The following CHD7 variants were observed in gnomAD, a reference collection of about 807,000 sequenced individuals.
CHD7 encodes the protein ATP-dependent chromatin remodeler CHD7.
A neutral mutation model predicts 307.3 loss-of-function variants in CHD7; 24 were observed. The observed-to-expected ratio is 0.08, with a 90% CI of 0.06 to 0.11. CHD7 has a LOEUF of 0.11. Among genes scored for constraint, CHD7 ranks in the 10% least tolerant of loss-of-function variants. The pLI is 1.00. For missense variants in CHD7, 3,106 were observed against 3,727.1 expected, an observed-to-expected ratio of 0.83 and a Z score of 4.34; for synonymous variants, 1,363 against 1,349.9, an observed-to-expected ratio of 1.01 and a Z score of -0.21.
chr8:60,741,741 G>T lies in CHD7; in HGVS notation c.309G>T (p.Ser103=). Residue 103 remains serine (S), a synonymous_variant, in exon 2 of 38, where the codon TCG becomes TCT. Coordinates refer to ENST00000423902, the MANE Select transcript of CHD7 (RefSeq NM_017780.4). Reference sequence around the variant, plus strand: ...GGAACGGACTCGCGTCTCCGCACTCGCAGTATCACACCCCTCCCGTTCCTC... The same window carrying T: ...GGAACGGACTCGCGTCTCCGCACTCTCAGTATCACACCCCTCCCGTTCCTC... The part of the protein sequence containing the change: ...TPGNGLASPH[S]QYHTPPVPQV... 2 of 1,613,900 alleles carry T rather than the reference G, an allele frequency of 1.2e-6. No individual in the cohort carries two copies. Among genetic ancestry groups the T allele is most frequent in the Non-Finnish European group, 1.7e-6 (2 of 1,179,852 alleles).
chr8:60,858,670 C>G (rs944562150), intron 34 of CHD7, among the ~76,000 whole-genome samples: 4 of 152,230 alleles, frequency 2.6e-5, no homozygotes, highest in Non-Finnish European at 2.9e-5. Flanking sequence ...CACAATGGCG[C>G]AGTCTCGGCT....
At chr8:60,835,656 T>G (rs1804708868) in intron 15 of CHD7, among the ~76,000 whole-genome samples, 1 of 152,220 alleles carries the variant, frequency 6.6e-6, no homozygotes, top group African/African-American at 2.4e-5. Context: ...GTTTTTTCAT[T>G]TCGGAACAGA....
chr8:60,693,748 G>C (rs1806318281), intron 1 of CHD7, among the ~76,000 whole-genome samples: 1 of 152,220 alleles, frequency 6.6e-6, no homozygotes, highest in African/African-American at 2.4e-5. Flanking sequence ...GGACACCGTG[G>C]GTTAGCCTAG....
intron 1 of CHD7, among the ~76,000 whole-genome samples, chr8:60,708,094 T>G (rs1405217276): frequency 6.6e-6 from 1 of 152,196 alleles, no homozygotes; most frequent in Non-Finnish European, 1.5e-5. Context: ...GCAGCCAAGT[T>G]TTGTATTTAG....
At chr8:60,843,796 G>T (rs1430479890) in intron 21 of CHD7, among the ~76,000 whole-genome samples, 1 of 152,226 alleles carries the variant, frequency 6.6e-6, no homozygotes, top group Non-Finnish European at 1.5e-5. Flanking sequence ...GGGTAAGAGG[G>T]AGTGCTGGGG....
intron 2 of CHD7, among the ~76,000 whole-genome samples, chr8:60,766,667 T>C (rs1416922124): frequency 6.6e-6 from 1 of 152,326 alleles, no homozygotes; most frequent in East Asian, 1.9e-4. Flanking sequence ...GTGATTCAAA[T>C]GTAAGACTAA....
intron 1 of CHD7, among the ~76,000 whole-genome samples, chr8:60,679,339 CT>C (rs1805444083): frequency 6.9e-6 from 1 of 144,466 alleles, no homozygotes; most frequent in Non-Finnish European, 1.5e-5. Flanking sequence ...GGCGCCCCAA[CT>C]TTTGCCTGCG....
chr8:60,792,317 G>C (rs896776926), intron 3 of CHD7, among the ~76,000 whole-genome samples: 1 of 152,220 alleles, frequency 6.6e-6, no homozygotes, highest in Non-Finnish European at 1.5e-5. Context: ...TTGCAGAATA[G>C]TAGCAAAGGC....
At position 60,694,810 on chromosome 8, in the gene CHD7, G is replaced by A. The variant is rs576779124; in HGVS notation, c.-175+15728G>A. ...TAGCCTGCCCTGAGGGAGAGGGGCAGCAGGTTGGATAGATAGGGAGAGGTT... is the reference window on the plus strand; with the variant it reads ...TAGCCTGCCCTGAGGGAGAGGGGCAACAGGTTGGATAGATAGGGAGAGGTT... On this transcript the variant is annotated intron_variant, in intron 1 of 37. Transcript: ENST00000423902. Among the ~76,000 whole-genome samples, 41 of 152,354 alleles carry A rather than the reference G, an allele frequency of 2.7e-4. 1 individual carries two copies. In the South Asian group the frequency reaches 8.1e-3, roughly 30 times the overall value.
chr8:60,721,426 T>TC (rs1300869071), intron 1 of CHD7, among the ~76,000 whole-genome samples: 1 of 152,176 alleles, frequency 6.6e-6, no homozygotes, highest in Non-Finnish European at 1.5e-5. Flanking sequence ...GTCTTGGACT[T>TC]CCAGTCTCCA....
At chr8:60,771,008 A>G (rs1309049560) in intron 2 of CHD7, among the ~76,000 whole-genome samples, 1 of 152,182 alleles carries the variant, frequency 6.6e-6, no homozygotes, top group Non-Finnish European at 1.5e-5. Context: ...TGTGCAGCAA[A>G]TTTCTTAACC....
At chr8:60,858,589 T>C (rs1196224830) in intron 34 of CHD7, among the ~76,000 whole-genome samples, 7 of 152,212 alleles carry the variant, frequency 4.6e-5, no homozygotes, top group Non-Finnish European at 2.9e-5. Flanking sequence ...GTTCAATATT[T>C]GTAGGTTTTT....
chr8:60,685,836 A>G (rs1291287989), intron 1 of CHD7, among the ~76,000 whole-genome samples: 4 of 152,220 alleles, frequency 2.6e-5, no homozygotes, highest in Non-Finnish European at 5.9e-5. Flanking sequence ...CTTTAATATT[A>G]TATAAGAAAA....
intron 1 of CHD7, among the ~76,000 whole-genome samples, chr8:60,729,416 T>G (rs573442231): frequency 1.3e-5 from 2 of 152,230 alleles, no homozygotes; most frequent in African/African-American, 4.8e-5. Context: ...GAATTTGCTA[T>G]GTTTAGAGAT....
At chr8:60,753,023 C>T (rs939073939) in intron 2 of CHD7, among the ~76,000 whole-genome samples, 1 of 152,200 alleles carries the variant, frequency 6.6e-6, no homozygotes, top group African/African-American at 2.4e-5. Context: ...TAAATTGGCC[C>T]ATTACTAAGC....
chr8:60,741,361 A>T lies in CHD7; in HGVS notation c.-72A>T. The T allele has an allele frequency of 9.3e-7, 1 of 1,074,114 alleles. No individual in the cohort carries two copies. The highest frequency in any genetic ancestry group is 1.4e-6 in the Non-Finnish European group (1 of 740,196). The allele number at this position is 1,074,114 out of a possible 1,614,324, so 66.5% of individuals were successfully genotyped here. A position where few individuals can be genotyped will look rare whatever the true frequency, so the allele number is the denominator to read the frequency against. On this transcript the variant is annotated 5_prime_UTR_variant, in exon 2 of 38. Transcript: ENST00000423902. ...GTTAAGGATTATAGGCTTTGAGGGC[A>T]AACACCTCAGTGAAGTGAAGCACAG... is the stretch of plus-strand genomic sequence containing the variant.
intron 1 of CHD7, among the ~76,000 whole-genome samples, chr8:60,706,927 G>C (rs952999974): frequency 6.6e-6 from 1 of 151,982 alleles, no homozygotes; most frequent in South Asian, 2.1e-4. Context: ...CCATTAACTC[G>C]TCATTTACAT....
intron 1 of CHD7, among the ~76,000 whole-genome samples, chr8:60,728,719 C>T (rs1808293728): frequency 6.6e-6 from 1 of 151,894 alleles, no homozygotes; most frequent in South Asian, 2.1e-4. Context: ...GAAATATAGT[C>T]TATATTTACA....
chr8:60,748,832 G>A lies in CHD7; in HGVS notation c.1665+5735G>A, dbSNP rs192826396. ...CATTTGTACCTTTTTCATTAATTTG[G>A]TCCTGAAATAACAGTCATCATGAAA... On this transcript the variant is annotated intron_variant, in intron 2 of 37. Transcript: ENST00000423902. Among the ~76,000 whole-genome samples, 5 of 151,828 alleles carry A rather than the reference G, an allele frequency of 3.3e-5. No homozygotes were observed. In the East Asian group the frequency reaches 7.7e-4, roughly 24 times the overall value.
Sources: allele counts gnomAD v4.1 joint callset (sites outside exome capture counted in the v4.1 genomes callset), GRCh38; gene constraint gnomAD v4.1.1; transcripts MANE v1.5; gene names NCBI Gene and HGNC (gene_info 2026-07-23, HGNC 2026-07-21).